Variants in DGKB observed in about 807,000 individuals in gnomAD.
DGKB encodes the protein diacylglycerol kinase beta.
DGKB carries 67 observed loss-of-function variants against 114.3 expected under a neutral mutation model. The ratio of observed to expected loss-of-function variants is 0.59; its 90% CI spans 0.48 to 0.72. The LOEUF (loss-of-function observed/expected upper bound fraction) is 0.72, where lower values mean the gene tolerates loss of function less well. Ranked by LOEUF, DGKB falls within the 30% of genes least tolerant of loss-of-function variation. The probability of loss-of-function intolerance (pLI) is 0.00; values close to 1 mark genes in which losing one functional copy is unlikely to be tolerated. For synonymous variants in DGKB, 398 were observed against 323.1 expected (o/e 1.23, Z -2.49); for missense variants, 907 against 975.2 (o/e 0.93, Z 0.93).
rs377479103 is a variant in DGKB, at chr7:14,574,367, C to T, written c.1615G>A (p.Glu539Lys). Residue 539 changes from glutamate (E) to lysine (K), a missense_variant, in exon 20 of 26, where the codon GAA becomes AAA. Coordinates refer to ENST00000402815, the MANE Select transcript of DGKB (RefSeq NM_001350709.2). ...AGAATTTTCATCAGATTCTCACCTT[C>T]GTAACCTAGTGGGAAAAAAAAATAC... ...ARCLRWGGGYEGENLMKILKD... is the reference protein window; with the variant it reads ...ARCLRWGGGYKGENLMKILKD... 2.4e-5 allele frequency: 38 copies of T among 1,605,628 alleles called. No homozygotes were observed. Among genetic ancestry groups the T allele is most frequent in the Middle Eastern group, 1.7e-4 (1 of 6,022 alleles).
chr7:14,500,408 A>G (rs1584412279), intron 20 of DGKB, among the ~76,000 whole-genome samples: 1 of 151,614 alleles, frequency 6.6e-6, no homozygotes, highest in African/African-American at 2.4e-5. Context: ...TTGAACCCTT[A>G]TTCTATGTTT....
At chr7:14,589,550 T>C (rs1801336457) in intron 17 of DGKB, among the ~76,000 whole-genome samples, 1 of 152,002 alleles carries the variant, frequency 6.6e-6, no homozygotes, top group Non-Finnish European at 1.5e-5. Flanking sequence ...TTCCTTCTTT[T>C]TGATGGAGAT....
intron 20 of DGKB, among the ~76,000 whole-genome samples, chr7:14,482,811 C>T (rs1303012363): frequency 1.3e-5 from 2 of 152,146 alleles, no homozygotes; most frequent in South Asian, 4.1e-4. Flanking sequence ...ACTATTTTCA[C>T]CTGTTAATAT....
At chr7:14,680,612 A>G (rs979358379) in intron 12 of DGKB, among the ~76,000 whole-genome samples, 4 of 152,120 alleles carry the variant, frequency 2.6e-5, no homozygotes, top group Admixed American at 1.3e-4. Flanking sequence ...GAGGAAAACA[A>G]AATGGAATAT....
In DGKB at chr7:14,283,557, T is replaced by G. The variant is rs968789588; in HGVS notation, c.2122+54958A>C. On this transcript the variant is annotated intron_variant, in intron 23 of 25. Transcript: ENST00000402815. ...CCAAAAAAGAGCCCGCATCGCCAAGTCAATCCTAAGCCAAAAGAACAAAGC... is the reference window on the plus strand; with the variant it reads ...CCAAAAAAGAGCCCGCATCGCCAAGGCAATCCTAAGCCAAAAGAACAAAGC... Among the ~76,000 whole-genome samples, 12 of 148,142 alleles carry G rather than the reference T, an allele frequency of 8.1e-5. 1 individual carries two copies. The highest frequency in any genetic ancestry group is 1.3e-4 in the Non-Finnish European group (9 of 67,884).
intron 20 of DGKB, among the ~76,000 whole-genome samples, chr7:14,491,812 C>T (rs149092491): frequency 1.3e-3 from 205 of 151,926 alleles, no homozygotes; most frequent in African/African-American, 4.6e-3. Flanking sequence ...TTTAACTGTC[C>T]TTTATTGTAA....
At chr7:14,534,954 A>C (rs1387134314) in intron 20 of DGKB, among the ~76,000 whole-genome samples, 1 of 152,204 alleles carries the variant, frequency 6.6e-6, no homozygotes, top group Non-Finnish European at 1.5e-5. Flanking sequence ...GGGTGAGAAA[A>C]GAAATCAAAA....
At chr7:14,606,507 T>C (rs1361322063) in intron 17 of DGKB, among the ~76,000 whole-genome samples, 1 of 152,056 alleles carries the variant, frequency 6.6e-6, no homozygotes, top group Admixed American at 6.6e-5. Flanking sequence ...CAAATTTTAT[T>C]CTGAGTTTTT....
At chr7:14,607,902 T>TA (rs1236765066) in intron 16 of DGKB, among the ~76,000 whole-genome samples, 5 of 152,036 alleles carry the variant, frequency 3.3e-5, no homozygotes, top group African/African-American at 1.2e-4. Flanking sequence ...TCCTTGTGAA[T>TA]AATTTGTCCT....
At chr7:14,499,197 G>A (rs888248023) in intron 20 of DGKB, among the ~76,000 whole-genome samples, 1 of 151,592 alleles carries the variant, frequency 6.6e-6, no homozygotes, top group Non-Finnish European at 1.5e-5. Context: ...ACTTCTATAT[G>A]TTTAAAATTA....
At chr7:14,241,919 TACAC>T (rs10629429) in intron 23 of DGKB, among the ~76,000 whole-genome samples, 1 of 150,762 alleles carries the variant, frequency 6.6e-6, no homozygotes, top group East Asian at 2.0e-4. Context: ...TCAAGATATA[TACAC>T]ACACACACAT....
intron 21 of DGKB, among the ~76,000 whole-genome samples, chr7:14,401,049 C>A (rs1823027689): frequency 6.6e-6 from 1 of 151,836 alleles, no homozygotes; most frequent in African/African-American, 2.4e-5. Flanking sequence ...CAGCCAACAC[C>A]TTGCATGACT....
intron 21 of DGKB, among the ~76,000 whole-genome samples, chr7:14,423,511 T>A (rs184365079): frequency 6.6e-6 from 1 of 152,222 alleles, no homozygotes; most frequent in East Asian, 1.9e-4. Context: ...TAAAAGCCAG[T>A]GAATCTAAGT....
At chr7:14,340,713 T>C (rs1811467390) in intron 22 of DGKB, among the ~76,000 whole-genome samples, 1 of 151,732 alleles carries the variant, frequency 6.6e-6, no homozygotes, top group South Asian at 2.1e-4. Flanking sequence ...AAATATGCAA[T>C]CTGACACCTT....
At chr7:14,289,600 A>G (rs1801414194) in intron 23 of DGKB, among the ~76,000 whole-genome samples, 1 of 152,136 alleles carries the variant, frequency 6.6e-6, no homozygotes, top group Admixed American at 6.6e-5. Context: ...ATAAATTTCT[A>G]CCTAATTCAT....
At chr7:14,223,382 G>C (rs1790294878) in intron 23 of DGKB, among the ~76,000 whole-genome samples, 3 of 151,530 alleles carry the variant, frequency 2.0e-5, no homozygotes, top group Admixed American at 1.3e-4. Flanking sequence ...GTGAGATATA[G>C]AACTGCTACT....
At position 14,638,970 on chromosome 7, in the gene DGKB, G is replaced by C. The variant is rs1811242917; in HGVS notation, c.1135-8702C>G. 2.6e-5 allele frequency among the ~76,000 whole-genome samples: 4 copies of C among 152,044 alleles called. No homozygotes were observed. In the South Asian group the frequency reaches 8.3e-4, roughly 31 times the overall value. ...GGAGAATCGCTTGAACCCGGGAGGTGGAGGTTGCAGTGAGCTGAGATCACG... is the reference window on the plus strand; with the variant it reads ...GGAGAATCGCTTGAACCCGGGAGGTCGAGGTTGCAGTGAGCTGAGATCACG... On this transcript the variant is annotated intron_variant, in intron 13 of 25. Transcript: ENST00000402815.
chr7:14,863,203 TTGTG>T (rs1038757951), intron 1 of DGKB, among the ~76,000 whole-genome samples: 5 of 151,550 alleles, frequency 3.3e-5, no homozygotes, highest in Admixed American at 3.3e-4. Context: ...GCATTTGTAA[TTGTG>T]TGTGTGTGAG....
intron 21 of DGKB, among the ~76,000 whole-genome samples, chr7:14,368,371 C>T (rs988428230): frequency 6.6e-6 from 1 of 152,104 alleles, no homozygotes; most frequent in East Asian, 1.9e-4. Context: ...CTGTGTTCCA[C>T]CAACTCATCC....
Sources: gnomAD v4.1 joint callset for allele counts (sites outside exome capture counted in the v4.1 genomes callset) on GRCh38, gnomAD v4.1.1 for gene constraint, MANE v1.5 for transcripts, NCBI Gene and HGNC (gene_info 2026-07-23, HGNC 2026-07-21) for gene names.